Variants in CCSER1 observed in about 807,000 individuals in gnomAD.
CCSER1 encodes the protein coiled-coil serine rich protein 1, also known as serine-rich coiled-coil domain-containing protein 1.
Under a neutral mutation model 82.0 loss-of-function variants are expected in CCSER1, and 41 were observed. That is an observed-to-expected ratio of 0.50 (90% CI 0.39 to 0.65). The LOEUF is 0.65. CCSER1 is among the 30% of genes least tolerant of loss of function. The pLI, the probability that CCSER1 is intolerant of heterozygous loss-of-function variation, is 0.00. For missense variants in CCSER1, 1,119 were observed against 1,064.2 expected (o/e 1.05, Z -0.72); for synonymous variants, 414 against 383.9 (o/e 1.08, Z -0.92).
chr4:91,584,650 T>A (rs142848000), intron 10 of CCSER1, among the ~76,000 whole-genome samples: 23 of 151,678 alleles, frequency 1.5e-4, no homozygotes, highest in African/African-American at 5.5e-4. Context: ...TTTTGATTGG[T>A]CCTAAAGTAT....
At chr4:90,774,091 A>T (rs546185373) in intron 7 of CCSER1, among the ~76,000 whole-genome samples, 5 of 152,156 alleles carry the variant, frequency 3.3e-5, no homozygotes, top group Non-Finnish European at 5.9e-5. Context: ...TAGTTAGTCT[A>T]TGAGATTGAA....
intron 1 of CCSER1, among the ~76,000 whole-genome samples, chr4:90,245,072 A>C (rs1721175742): frequency 2.0e-5 from 3 of 152,168 alleles, no homozygotes; most frequent in Admixed American, 2.0e-4. Context: ...ATAAAAAAGT[A>C]ACTGGCATCA....
intron 10 of CCSER1, among the ~76,000 whole-genome samples, chr4:91,136,208 T>C (rs2148918478): frequency 6.6e-6 from 1 of 152,328 alleles, no homozygotes; most frequent in East Asian, 1.9e-4. Flanking sequence ...CCAAACATCT[T>C]GCAGTTCATC....
intron 1 of CCSER1, among the ~76,000 whole-genome samples, chr4:90,129,351 C>G (rs1722426639): frequency 6.6e-6 from 1 of 152,176 alleles, no homozygotes; most frequent in South Asian, 2.1e-4. Flanking sequence ...TTTCTGTTTG[C>G]TTTATAACAG....
intron 3 of CCSER1, among the ~76,000 whole-genome samples, chr4:90,391,204 C>T (rs1385540248): frequency 1.4e-4 from 19 of 131,288 alleles, no homozygotes; most frequent in African/African-American, 4.3e-4. Context: ...ACCTGGGAGG[C>T]GGAGGTTGCA....
intron 1 of CCSER1, among the ~76,000 whole-genome samples, chr4:90,231,431 C>A (rs1446278013): frequency 6.6e-6 from 1 of 150,630 alleles, no homozygotes; most frequent in Non-Finnish European, 1.5e-5. Context: ...ACCCTTCATG[C>A]TAAAAACTCT....
chr4:90,878,221 A>G (rs1051898603), intron 8 of CCSER1, among the ~76,000 whole-genome samples: 2 of 152,110 alleles, frequency 1.3e-5, no homozygotes, highest in African/African-American at 4.8e-5. Context: ...CATGCTATCT[A>G]GCTATCTTAC....
intron 10 of CCSER1, among the ~76,000 whole-genome samples, chr4:91,192,573 G>A (rs1436779651): frequency 6.6e-6 from 1 of 151,914 alleles, no homozygotes; most frequent in Non-Finnish European, 1.5e-5. Flanking sequence ...CATCTTATTA[G>A]TAACAAAACT....
intron 8 of CCSER1, among the ~76,000 whole-genome samples, chr4:90,897,898 C>CA (rs1723961303): frequency 6.6e-6 from 1 of 152,022 alleles, no homozygotes; most frequent in Non-Finnish European, 1.5e-5. Flanking sequence ...TGTTTGTTGG[C>CA]AACTTGTATG....
intron 4 of CCSER1, among the ~76,000 whole-genome samples, chr4:90,454,865 C>T (rs970600706): frequency 1.6e-4 from 24 of 152,158 alleles, no homozygotes; most frequent in African/African-American, 4.8e-4. Context: ...CCTTAAGTTC[C>T]GTAGAGAAAA....
chr4:90,396,532 AT>A (rs1751985789), intron 3 of CCSER1, among the ~76,000 whole-genome samples: 1 of 152,170 alleles, frequency 6.6e-6, no homozygotes, highest in South Asian at 2.1e-4. Flanking sequence ...CTCAATTTGT[AT>A]TTTTTAAATT....
At chr4:90,231,369 A>C (rs1744503522) in intron 1 of CCSER1, among the ~76,000 whole-genome samples, 2 of 151,882 alleles carry the variant, frequency 1.3e-5, no homozygotes, top group African/African-American at 2.4e-5. Flanking sequence ...AAAGACAAAA[A>C]CCACATGATT....
chr4:91,379,246 C>A (rs1490298714), intron 10 of CCSER1, among the ~76,000 whole-genome samples: 1 of 152,092 alleles, frequency 6.6e-6, no homozygotes, highest in Non-Finnish European at 1.5e-5. Context: ...GCTTTGGTAT[C>A]AGGATGATGC....
chr4:90,721,367 TA>T (rs35957568), intron 6 of CCSER1, among the ~76,000 whole-genome samples: 6 of 151,130 alleles, frequency 4.0e-5, no homozygotes, highest in East Asian at 3.9e-4. Context: ...TCCAATGGAT[TA>T]AAAAAAAATT....
intron 5 of CCSER1, among the ~76,000 whole-genome samples, chr4:90,601,996 T>G (rs1299612043): frequency 6.6e-6 from 1 of 152,116 alleles, no homozygotes; most frequent in Non-Finnish European, 1.5e-5. Flanking sequence ...ATGGTCTCTG[T>G]GAACTTTAGA....
At chr4:90,148,124 C>T (rs1726153907) in intron 1 of CCSER1, among the ~76,000 whole-genome samples, 1 of 152,130 alleles carries the variant, frequency 6.6e-6, no homozygotes, top group African/African-American at 2.4e-5. Flanking sequence ...AAGATTGAGC[C>T]ACTGCACTCC....
chr4:91,578,817 C>T (rs563690189), intron 10 of CCSER1, among the ~76,000 whole-genome samples: 1 of 151,850 alleles, frequency 6.6e-6, no homozygotes, highest in Non-Finnish European at 1.5e-5. Context: ...GAATGTGGTT[C>T]AGGTGTTTGT....
At chr4:90,844,154 A>G (rs1226987953) in intron 8 of CCSER1, among the ~76,000 whole-genome samples, 5 of 145,854 alleles carry the variant, frequency 3.4e-5, no homozygotes, top group Admixed American at 2.7e-4. Flanking sequence ...TGTGTTGTGT[A>G]TATATAGATA....
intron 10 of CCSER1, among the ~76,000 whole-genome samples, chr4:91,446,680 T>TATAC (rs1259372787): frequency 6.8e-5 from 10 of 146,812 alleles, no homozygotes; most frequent in Non-Finnish European, 1.2e-4. Flanking sequence ...TAAATAAATA[T>TATAC]ATATATATAT....
Sources: allele counts gnomAD v4.1 joint callset (sites outside exome capture counted in the v4.1 genomes callset), GRCh38; gene constraint gnomAD v4.1.1; transcripts MANE v1.5; gene names NCBI Gene and HGNC (gene_info 2026-07-23, HGNC 2026-07-21).